The following DNMT1 variants were observed in gnomAD, a reference collection of about 807,000 sequenced individuals.
DNMT1 encodes DNA methyltransferase 1, also known as DNA (cytosine-5)-methyltransferase 1.
Under a neutral mutation model 205.3 loss-of-function variants are expected in DNMT1, and 24 were observed. The ratio of observed to expected loss-of-function variants is 0.12; its 90% CI spans 0.08 to 0.16. DNMT1 has a LOEUF of 0.16. DNMT1 is among the 10% of genes least tolerant of loss of function. DNMT1 has a pLI of 1.00. For synonymous variants in DNMT1, 817 were observed against 839.8 expected, an observed-to-expected ratio of 0.97 and a Z score of 0.47; for missense variants, 1,293 against 2,177.7, an observed-to-expected ratio of 0.59 and a Z score of 8.09.
rs1228385881 is a variant in DNMT1, at chr19:10,154,030, A to C, written c.2019+263T>G. On this transcript the variant is annotated intron_variant, in intron 22 of 40. Transcript: ENST00000359526. This position sits in a 1 kb window ranked among gnomAD's most constrained non-coding sequence, Gnocchi z 6.3. ...TCAGACTGTGAGATGCAGGCACAGCAGAGCCACCCAGAAGCCAGGCTCTTC... is the reference window on the plus strand; with the variant it reads ...TCAGACTGTGAGATGCAGGCACAGCCGAGCCACCCAGAAGCCAGGCTCTTC... Among the ~76,000 whole-genome samples the C allele has an allele frequency of 6.6e-6, 1 of 152,240 alleles. No homozygotes were observed. Among genetic ancestry groups the C allele is most frequent in the Non-Finnish European group, 1.5e-5 (1 of 68,036 alleles).
intron 1 of DNMT1, among the ~76,000 whole-genome samples, chr19:10,186,089 A>G (rs542772869): frequency 6.7e-4 from 102 of 152,284 alleles, no homozygotes; most frequent in African/African-American, 2.4e-3. Flanking sequence ...CGACCAAGCC[A>G]GCCAGTCCCC....
At chr19:10,191,205 C>T (rs1443135646) in intron 1 of DNMT1, among the ~76,000 whole-genome samples, 1 of 151,366 alleles carries the variant, frequency 6.6e-6, no homozygotes, top group African/African-American at 2.4e-5. Context: ...TGCTTAAACC[C>T]GGGAAGCGGA....
intron 1 of DNMT1, among the ~76,000 whole-genome samples, chr19:10,187,901 G>A (rs548090753): frequency 1.3e-5 from 2 of 150,594 alleles, no homozygotes; most frequent in Non-Finnish European, 1.5e-5. Flanking sequence ...CTAGCTACTC[G>A]GGAAGCCAAA....
rs956533120 is a variant in DNMT1, at chr19:10,194,908, C to T, written c.-9G>A. ...GCGGTACGCGCCGGCATCTCGGAGG[C>T]TTCAGCAGACGCGGCGGCGGCAGCG... is the stretch of plus-strand genomic sequence containing the variant. On this transcript the variant is annotated 5_prime_UTR_variant, in exon 1 of 41. Coordinates refer to ENST00000359526, the MANE Select transcript of DNMT1 (RefSeq NM_001130823.3). 44 of 1,603,590 alleles carry T rather than the reference C, an allele frequency of 2.7e-5. No individual in the cohort carries two copies. The highest frequency in any genetic ancestry group is 3.5e-5 in the Non-Finnish European group (41 of 1,174,952).
In DNMT1 at chr19:10,180,581, AAGG is replaced by A; in HGVS notation, c.226-15_226-13del. 2 of 1,613,502 alleles carry A rather than the reference AAGG, an allele frequency of 1.2e-6. No individual in the cohort carries two copies. Among genetic ancestry groups the A allele is most frequent in the East Asian group, 4.5e-5 (2 of 44,882 alleles). On this transcript the variant is annotated splice_polypyrimidine_tract_variant and intron_variant, in intron 3 of 40. Transcript: ENST00000359526. ...GCCAGGTAGCCCTCCTACAGCAGGAAAGGATAATTTAAGTAGCAGTGAATGTAA... is the reference window on the plus strand; with the variant it reads ...GCCAGGTAGCCCTCCTACAGCAGGAAATAATTTAAGTAGCAGTGAATGTAA...
chr19:10,173,620 T>G (rs554472901), intron 8 of DNMT1, among the ~76,000 whole-genome samples: 13 of 151,842 alleles, frequency 8.6e-5, no homozygotes, highest in African/African-American at 3.1e-4. Context: ...GCCTCCTGAG[T>G]AGCTGGGATT....
chr19:10,142,507 CA>C (rs2089620852), intron 29 of DNMT1, among the ~76,000 whole-genome samples: 1 of 149,488 alleles, frequency 6.7e-6, no homozygotes, highest in Non-Finnish European at 1.5e-5. Context: ...TAGGGAATCG[CA>C]GGGTAAAGAC....
intron 5 of DNMT1, among the ~76,000 whole-genome samples, chr19:10,177,624 T>C (rs2038960472): frequency 6.6e-6 from 1 of 152,086 alleles, no homozygotes; most frequent in Non-Finnish European, 1.5e-5. Context: ...CAGAGCCTCT[T>C]GTTAAAATAT....
At chr19:10,147,330 G>T (rs1449751380) in intron 27 of DNMT1, among the ~76,000 whole-genome samples, 1 of 151,880 alleles carries the variant, frequency 6.6e-6, no homozygotes, top group Non-Finnish European at 1.5e-5. Context: ...AGTAAATGAG[G>T]TTGGGTGCAG....
intron 30 of DNMT1, 126 bp from the exon 31 acceptor site, chr19:10,141,315 C>G: frequency 2.2e-6 from 2 of 893,410 alleles, no homozygotes; most frequent in Non-Finnish European, 3.7e-6. Flanking sequence ...ACCAATTAGC[C>G]ACCAATAAGA....
In DNMT1 at chr19:10,180,508, G is replaced by A. The variant is rs2039026701; in HGVS notation, c.287C>T (p.Ala96Val). 1 of 1,613,988 alleles carries A rather than the reference G, an allele frequency of 6.2e-7. No homozygotes were observed. Among genetic ancestry groups the A allele is most frequent in the African/African-American group, 1.3e-5 (1 of 74,900 alleles). ...LNKDLSLENGAHAYNREVNGR... is the reference protein window; with the variant it reads ...LNKDLSLENGVHAYNREVNGR... ...ATTCACTTCCCGGTTGTAAGCATGA[G>A]CACCGTTCTCCAAGGACAAATCTTT... The change falls in exon 4 of 41, where the codon GCT becomes GTT. Residue 96 changes from alanine to valine, a missense_variant. Transcript: ENST00000359526.
In DNMT1 at chr19:10,172,191, G is replaced by T. The variant is rs182420864; in HGVS notation, c.768+899C>A. Reference sequence around the variant, plus strand: ...AGCACTTTGGGAGGCCAAGGCAGGTGGATCACCTGAGATTGGGAGTTCAAG... The same window carrying T: ...AGCACTTTGGGAGGCCAAGGCAGGTTGATCACCTGAGATTGGGAGTTCAAG... On this transcript the variant is annotated intron_variant, in intron 9 of 40. Transcript: ENST00000359526. Among the ~76,000 whole-genome samples the T allele has an allele frequency of 2.0e-3, 301 of 151,974 alleles. 2 individuals carry two copies. The highest frequency in any genetic ancestry group is 6.9e-3 in the African/African-American group (285 of 41,418).
chr19:10,171,961 C>T (rs1164951424), intron 9 of DNMT1, among the ~76,000 whole-genome samples: 2 of 150,984 alleles, frequency 1.3e-5, no homozygotes, highest in Non-Finnish European at 3.0e-5. Flanking sequence ...GAGCCAAGAT[C>T]GCACCTCTGC....
At chr19:10,152,314 T>C (rs570714049) in intron 22 of DNMT1, among the ~76,000 whole-genome samples, 228 of 130,428 alleles carry the variant, frequency 1.7e-3, no homozygotes, top group Non-Finnish European at 2.8e-3. Context: ...TTAGCAACAA[T>C]GAAACAAACG....
At position 10,135,490 on chromosome 19, in the gene DNMT1, G is replaced by C. The variant is rs767823451; in HGVS notation, c.4773+246C>G. 1.1e-5 allele frequency: 6 copies of C among 549,578 alleles called. No individual in the cohort carries two copies. The Middle Eastern group carries it at 1.5e-3, about 135-fold the overall frequency. 34.0% of individuals were successfully genotyped at this position (549,578 alleles called of 1,614,324 possible). On this transcript the variant is annotated intron_variant, in intron 39 of 40. Transcript: ENST00000359526. ...TTTTAGCCTGCTCCTTTAGCGCGACGGACTGTCCTTCTGGCTCAATCTCTG... is the reference window on the plus strand; with the variant it reads ...TTTTAGCCTGCTCCTTTAGCGCGACCGACTGTCCTTCTGGCTCAATCTCTG...
At chr19:10,170,554 G>A (rs10407697) in intron 9 of DNMT1, among the ~76,000 whole-genome samples, 1 of 151,960 alleles carries the variant, frequency 6.6e-6, no homozygotes, top group Non-Finnish European at 1.5e-5. Flanking sequence ...TAAGGCAGGA[G>A]AATTTGTTTG....
chr19:10,140,483 C>T lies in DNMT1; in HGVS notation c.3524-155G>A. 1 of 1,152,016 alleles carries T rather than the reference C, an allele frequency of 8.7e-7. No individual in the cohort carries two copies. The highest frequency in any genetic ancestry group is 2.1e-5 in the Admixed American group (1 of 47,326). 71.4% of individuals were successfully genotyped at this position (1,152,016 alleles called of 1,614,324 possible). On this transcript the variant is annotated intron_variant, in intron 32 of 40. Transcript: ENST00000359526. The surrounding 1 kb of genome is among the most constrained non-coding windows in gnomAD (Gnocchi z 8.4). Reference sequence around the variant, plus strand: ...CTCCCAGGTTCAAGCGATTCTCCCACCTCAGCCTCCTGAGTAGCTGGGACT... The same window carrying T: ...CTCCCAGGTTCAAGCGATTCTCCCATCTCAGCCTCCTGAGTAGCTGGGACT...
intron 1 of DNMT1, among the ~76,000 whole-genome samples, chr19:10,192,565 C>T (rs923079981): frequency 7.3e-5 from 11 of 151,604 alleles, no homozygotes; most frequent in Non-Finnish European, 1.3e-4. Flanking sequence ...AATCGAAGAC[C>T]AGCCTGAGCA....
At chr19:10,166,266 G>A (rs1328407478) in intron 11 of DNMT1, among the ~76,000 whole-genome samples, 1 of 152,158 alleles carries the variant, frequency 6.6e-6, no homozygotes. Context: ...TGACATGTGC[G>A]TCAGAGCTGA....
Sources: gnomAD v4.1 joint callset for allele counts (sites outside exome capture counted in the v4.1 genomes callset) on GRCh38, gnomAD v4.1.1 for gene constraint, Gnocchi (gnomAD v3.1) non-coding constraint, MANE v1.5 for transcripts, NCBI Gene and HGNC (gene_info 2026-07-23, HGNC 2026-07-21) for gene names.